The following CNTNAP4 variants were observed in gnomAD, a reference collection of about 807,000 sequenced individuals.
The protein encoded by CNTNAP4 is contactin associated protein family member 4.
Under a neutral mutation model 148.4 loss-of-function variants are expected in CNTNAP4, and 98 were observed. The observed-to-expected ratio is 0.66, with a 90% CI of 0.56 to 0.78. The LOEUF (loss-of-function observed/expected upper bound fraction) is 0.78. CNTNAP4 is among the 30% of genes least tolerant of loss of function. CNTNAP4 has a pLI of 0.00. For synonymous variants in CNTNAP4, 730 were observed against 565.1 expected (o/e 1.29, Z -4.14); for missense variants, 1,935 against 1,565.6 (o/e 1.24, Z -3.98).
chr16:76,335,398 A>T (rs976997509), intron 2 of CNTNAP4, among the ~76,000 whole-genome samples: 2 of 152,162 alleles, frequency 1.3e-5, no homozygotes, highest in African/African-American at 4.8e-5. Context: ...ACAGCTTGGG[A>T]ACAAAGCTCA....
chr16:76,521,593 ATTAC>A (rs1211052226), intron 16 of CNTNAP4, among the ~76,000 whole-genome samples: 3 of 152,196 alleles, frequency 2.0e-5, no homozygotes, highest in Non-Finnish European at 2.9e-5. Context: ...TTAATTACAA[ATTAC>A]TTAATCAACC....
intron 18 of CNTNAP4, 118 bp downstream of exon 18, chr16:76,535,902 G>A (rs2084193852): frequency 1.8e-6 from 2 of 1,103,750 alleles, no homozygotes; most frequent in Non-Finnish European, 2.6e-6. Flanking sequence ...GAATTGCTTT[G>A]GCAAAGTATC....
intron 1 of CNTNAP4, among the ~76,000 whole-genome samples, chr16:76,293,503 C>T (rs1228901246): frequency 6.6e-6 from 1 of 152,114 alleles, no homozygotes; most frequent in Non-Finnish European, 1.5e-5. Context: ...TGTCTATTTA[C>T]TTGTGTATGG....
intron 23 of CNTNAP4, among the ~76,000 whole-genome samples, chr16:76,554,665 TGAATATGATAC>T (rs2085115019): frequency 6.6e-6 from 1 of 152,084 alleles, no homozygotes; most frequent in Non-Finnish European, 1.5e-5. Context: ...CTTTACACTC[TGAATATGATAC>T]GGATATAGAA....
intron 8 of CNTNAP4, among the ~76,000 whole-genome samples, chr16:76,457,459 A>G (rs2080778506): frequency 6.6e-6 from 1 of 152,198 alleles, no homozygotes; most frequent in South Asian, 2.1e-4. Flanking sequence ...AGCTTGTTAG[A>G]TGAATGTGTT....
At chr16:76,439,356 A>G (rs1568174003) in intron 4 of CNTNAP4, among the ~76,000 whole-genome samples, 1 of 152,184 alleles carries the variant, frequency 6.6e-6, no homozygotes, top group East Asian at 1.9e-4. Flanking sequence ...AAATCATAAC[A>G]GTATACAAAA....
chr16:76,463,562 T>G (rs2081063345), intron 9 of CNTNAP4, among the ~76,000 whole-genome samples: 1 of 152,220 alleles, frequency 6.6e-6, no homozygotes, highest in African/African-American at 2.4e-5. Flanking sequence ...AAAGTATTTT[T>G]GGATAGTTTT....
intron 3 of CNTNAP4, among the ~76,000 whole-genome samples, chr16:76,424,524 C>G (rs188999189): frequency 3.3e-5 from 5 of 151,960 alleles, no homozygotes; most frequent in Non-Finnish European, 7.4e-5. Flanking sequence ...GAGGCCGAGG[C>G]GGGCAGATCA....
intron 4 of CNTNAP4, among the ~76,000 whole-genome samples, chr16:76,433,568 A>T (rs1360465072): frequency 1.3e-5 from 2 of 152,148 alleles, no homozygotes; most frequent in East Asian, 3.9e-4. Context: ...AGGACAATTT[A>T]AAAAGTACTG....
intron 3 of CNTNAP4, among the ~76,000 whole-genome samples, chr16:76,376,167 G>C (rs548746105): frequency 6.6e-6 from 1 of 152,064 alleles, no homozygotes; most frequent in Admixed American, 6.5e-5. Flanking sequence ...AAGCAAGGAA[G>C]AAAACCTTTA....
intron 2 of CNTNAP4, 37 bp downstream of exon 2, chr16:76,316,560 A>G: frequency 7.4e-7 from 1 of 1,346,138 alleles, no homozygotes. Context: ...GCCCATAGAA[A>G]ATCTCACTAG....
At chr16:76,328,029 C>T (rs991223372) in intron 2 of CNTNAP4, among the ~76,000 whole-genome samples, 14 of 152,140 alleles carry the variant, frequency 9.2e-5, no homozygotes, top group African/African-American at 2.2e-4. Flanking sequence ...TGAAGTGGAA[C>T]GAAATGCTTC....
In CNTNAP4 at chr16:76,305,714, C is replaced by T. The variant is rs72794944; in HGVS notation, c.86-10699C>T. On this transcript the variant is annotated intron_variant, in intron 1 of 23. Transcript: ENST00000611870. ...TTTTAATTCAGCTTTTATTTAGATA[C>T]AGGGGGTACATGTGTAGATTTGCTA... Among the ~76,000 whole-genome samples the T allele has an allele frequency of 1.7e-4, 26 of 152,196 alleles. 1 individual carries two copies. The South Asian group carries it at 5.4e-3, about 32-fold the overall frequency.
At position 76,504,800 on chromosome 16, in the gene CNTNAP4, G is replaced by T. The variant is rs530389872; in HGVS notation, c.2365+6106G>T. Among the ~76,000 whole-genome samples, 540 of 152,116 alleles carry T rather than the reference G, an allele frequency of 3.5e-3. 2 individuals are homozygous for T. Among genetic ancestry groups the T allele is most frequent in the African/African-American group, 0.012 (517 of 41,522 alleles). On this transcript the variant is annotated intron_variant, in intron 15 of 23. Transcript: ENST00000611870. The stretch of plus-strand genomic sequence containing the variant: ...AAAATCAATTTACAAATGGGCAAAA[G>T]ATTTGCACATACACATCACAGAAAA...
At chr16:76,515,437 A>T (rs2144042492) in intron 15 of CNTNAP4, among the ~76,000 whole-genome samples, 1 of 152,242 alleles carries the variant, frequency 6.6e-6, no homozygotes, top group East Asian at 1.9e-4. Flanking sequence ...CAGAGACCCC[A>T]CTCTCTGTGC....
At chr16:76,331,337 G>A (rs1384433244) in intron 2 of CNTNAP4, among the ~76,000 whole-genome samples, 8 of 151,882 alleles carry the variant, frequency 5.3e-5, no homozygotes, top group Admixed American at 2.0e-4. Context: ...GCAGGCGCCC[G>A]CCACCATGCT....
chr16:76,365,796 C>T (rs1036099088), intron 3 of CNTNAP4, among the ~76,000 whole-genome samples: 2 of 146,384 alleles, frequency 1.4e-5, no homozygotes, highest in African/African-American at 2.5e-5. Flanking sequence ...TGGGTAATTA[C>T]TTTTTATAAA....
intron 3 of CNTNAP4, among the ~76,000 whole-genome samples, chr16:76,408,950 T>G (rs2078699105): frequency 6.6e-6 from 1 of 152,030 alleles, no homozygotes; most frequent in Non-Finnish European, 1.5e-5. Context: ...TGCTTATTCC[T>G]ATTCTTACAG....
intron 15 of CNTNAP4, among the ~76,000 whole-genome samples, chr16:76,499,346 G>T (rs1387158166): frequency 6.6e-6 from 1 of 151,762 alleles, no homozygotes; most frequent in East Asian, 1.9e-4. Flanking sequence ...ACTCACCTCT[G>T]AATGTTCTCC....
Sources: allele counts gnomAD v4.1 joint callset (sites outside exome capture counted in the v4.1 genomes callset), GRCh38; gene constraint gnomAD v4.1.1; transcripts MANE v1.5; gene names NCBI Gene and HGNC (gene_info 2026-07-23, HGNC 2026-07-21).